The following PISD variants were observed in gnomAD, a reference collection of about 807,000 sequenced individuals.
PISD encodes the protein phosphatidylserine decarboxylase proenzyme, mitochondrial.
Under a neutral mutation model 43.5 loss-of-function variants are expected in PISD, and 31 were observed. The observed-to-expected ratio is 0.71, with a 90% confidence interval of 0.54 to 0.96. The LOEUF is 0.96. Among genes scored for constraint, PISD ranks in the 40% least tolerant of loss-of-function variants. PISD has a pLI of 0.00. For missense variants in PISD, 523 were observed against 548.4 expected (o/e 0.95, Z 0.46); for synonymous variants, 259 against 228.7 (o/e 1.13, Z -1.20).
intron 3 of PISD, among the ~76,000 whole-genome samples, chr22:31,641,887 A>AT (rs1342340583): frequency 6.6e-6 from 1 of 151,114 alleles, no homozygotes; most frequent in Non-Finnish European, 1.5e-5. Flanking sequence ...TACATTTAAT[A>AT]TTTTCAGACT....
chr22:31,638,450 TGAAGTGGG>T, intron 3 of PISD: 2 of 982,312 alleles, frequency 2.0e-6, no homozygotes, highest in Non-Finnish European at 2.4e-6. Context: ...TGAAGGGGGA[TGAAGTGGG>T]GAAGTGGGGA....
chr22:31,629,336 G>T, intron 3 of PISD: 1 of 438,118 alleles, frequency 2.3e-6, no homozygotes, highest in Non-Finnish European at 3.0e-6. Context: ...GCGAGGATGT[G>T]TGGGGTGTGT....
chr22:31,653,359 C>T (rs1187197762), intron 1 of PISD, among the ~76,000 whole-genome samples: 1 of 152,146 alleles, frequency 6.6e-6, no homozygotes, highest in Non-Finnish European at 1.5e-5. Flanking sequence ...GTGTTCTGTA[C>T]ATTGCCGCAT....
rs978709997 is a variant in PISD, at chr22:31,621,688, C to T, written c.519G>A (p.Leu173=). The change falls in exon 4 of 8, where the codon CTG becomes CTA. Residue 173 remains leucine, a synonymous_variant. Coordinates refer to ENST00000439502, the MANE Select transcript of PISD (RefSeq NM_001326411.2). ...RNLSEFFRRK[L]KPQARPVCGL... ...CACAGACAGGCCGGGCCTGCGGCTT[C>T]AGCTTGCGCCGGAAGAACTCGCTGA... 4 of 1,613,762 alleles carry T rather than the reference C, an allele frequency of 2.5e-6. No individual in the cohort carries two copies. The African/African-American group carries it at 4.0e-5, about 16-fold the overall frequency.
intron 1 of PISD, among the ~76,000 whole-genome samples, chr22:31,654,297 T>C (rs2074108604): frequency 6.6e-6 from 1 of 152,184 alleles, no homozygotes; most frequent in African/African-American, 2.4e-5. Context: ...CAGTCTCTAT[T>C]TGTGAATTCT....
At chr22:31,625,999 C>T in intron 3 of PISD, 2 of 1,452,450 alleles carry the variant, frequency 1.4e-6, no homozygotes, top group South Asian at 1.4e-5. Flanking sequence ...TCACAGGGTG[C>T]AGAATAGAGG....
chr22:31,662,216 G>A (rs752779598), upstream of PISD: 13 of 1,602,550 alleles, frequency 8.1e-6, no homozygotes, highest in South Asian at 1.3e-4. Flanking sequence ...CATCTTGTCT[G>A]CTCCTTCTCA....
At position 31,637,194 on chromosome 22, in the gene PISD, TATATATATATATAG is replaced by T. The variant is rs1569487674; in HGVS notation, c.321+10893_321+10906del. On this transcript the variant is annotated intron_variant, in intron 3 of 7. Coordinates refer to ENST00000439502, the MANE Select transcript of PISD (RefSeq NM_001326411.2). Reference sequence around the variant, plus strand: ...ATATATATATATATATATATATATATATATATATATATAGAAAAATTAGCCGGGCATGGTGGTGC... The same window carrying T: ...ATATATATATATATATATATATATATAAAAATTAGCCGGGCATGGTGGTGC... Among the ~76,000 whole-genome samples the T allele has an allele frequency of 5.8e-5, 5 of 85,982 alleles. No homozygotes were observed. In the East Asian group the frequency reaches 1.1e-3, roughly 20 times the overall value. 56.4% of individuals were successfully genotyped at this position (85,982 alleles called of 152,430 possible).
intron 2 of PISD, among the ~76,000 whole-genome samples, 171 bp downstream of exon 2, chr22:31,650,526 CAA>C (rs200466585): frequency 2.5e-4 from 27 of 107,486 alleles, no homozygotes; most frequent in Admixed American, 3.9e-4. Context: ...AAGACTGTCT[CAA>C]AAAAAAAAAA....
At chr22:31,636,467 A>AT (rs2073439672) in intron 3 of PISD, among the ~76,000 whole-genome samples, 2 of 152,070 alleles carry the variant, frequency 1.3e-5, no homozygotes, top group African/African-American at 2.4e-5. Context: ...GGTTCAAGCG[A>AT]TTCTCCTGCC....
chr22:31,625,004 C>T (rs2072821163), intron 3 of PISD, among the ~76,000 whole-genome samples: 1 of 152,214 alleles, frequency 6.6e-6, no homozygotes, highest in African/African-American at 2.4e-5. Context: ...CTGCCATCCA[C>T]TCAGAACGTC....
intron 3 of PISD, chr22:31,625,775 C>G: frequency 1.9e-6 from 3 of 1,594,216 alleles, no homozygotes; most frequent in South Asian, 1.1e-5. Flanking sequence ...TTTCGCCGCG[C>G]GGAGCTCTGG....
At position 31,619,297 on chromosome 22, in the gene PISD, C is replaced by T. The variant is rs1162585707; in HGVS notation, c.*315G>A. 3 of 354,274 alleles carry T rather than the reference C, an allele frequency of 8.5e-6. No homozygotes were observed. The highest frequency in any genetic ancestry group is 7.4e-5 in the East Asian group (1 of 13,502). The allele number at this position is 354,274 out of a possible 1,614,324, so 21.9% of individuals were successfully genotyped here. A position where few individuals can be genotyped will look rare whatever the true frequency, so the allele number is the denominator to read the frequency against. On this transcript the variant is annotated 3_prime_UTR_variant, in exon 8 of 8. Coordinates refer to ENST00000439502, the MANE Select transcript of PISD (RefSeq NM_001326411.2). ...CGACAACCGAGACCAACTGAAGGTT[C>T]GGTCAGGAATGCAGGCTCTTCCGTC...
chr22:31,642,057 G>A (rs1303151505), intron 3 of PISD, among the ~76,000 whole-genome samples: 2 of 151,034 alleles, frequency 1.3e-5, no homozygotes, highest in Admixed American at 6.6e-5. Flanking sequence ...GGTATGCTCT[G>A]CAACATTATT....
intron 3 of PISD, chr22:31,626,135 C>T (rs987687436): frequency 1.5e-5 from 14 of 952,130 alleles, no homozygotes; most frequent in Non-Finnish European, 2.0e-5. Context: ...GCCACCTGCT[C>T]TGTCCCTGCT....
At chr22:31,620,797 G>A in intron 6 of PISD, 84 bp from the exon 7 acceptor site, 4 of 1,538,714 alleles carry the variant, frequency 2.6e-6, no homozygotes, top group Non-Finnish European at 2.7e-6. Context: ...AGGGACTCAT[G>A]GCCTGTTGCC....
intron 1 of PISD, among the ~76,000 whole-genome samples, chr22:31,660,928 T>A (rs2074299148): frequency 6.6e-6 from 1 of 152,024 alleles, no homozygotes; most frequent in Non-Finnish European, 1.5e-5. Context: ...AGAGACAGGG[T>A]TTCACCACAT....
In PISD at chr22:31,621,036, G is replaced by T; in HGVS notation, c.804C>A (p.Ser268=). The change falls in exon 6 of 8, where the codon TCC becomes TCA. Residue 268 remains serine (S), a synonymous_variant. Transcript: ENST00000439502. ...GGTGGGACACAGTCCAGTCGGTGGGGGAGTGGAAGCAGTGGTAGTCCCCAG... is the reference window on the plus strand; with the variant it reads ...GGTGGGACACAGTCCAGTCGGTGGGTGAGTGGAAGCAGTGGTAGTCCCCAG... The part of the protein sequence containing the change: ...LAPGDYHCFH[S]PTDWTVSHRR... The T allele has an allele frequency of 6.2e-7, 1 of 1,613,958 alleles. No individual in the cohort carries two copies.
chr22:31,621,190 A>G (rs998987093), intron 5 of PISD, 48 bp from the exon 6 acceptor site: 1 of 1,613,464 alleles, frequency 6.2e-7, no homozygotes, highest in African/African-American at 1.3e-5. Flanking sequence ...GTGAGCACCC[A>G]GCACGGAGCC....
Sources: gnomAD v4.1 joint callset for allele counts (sites outside exome capture counted in the v4.1 genomes callset) on GRCh38, gnomAD v4.1.1 for gene constraint, MANE v1.5 for transcripts, NCBI Gene and HGNC (gene_info 2026-07-23, HGNC 2026-07-21) for gene names.